The following FCHSD2 variants were observed in gnomAD, a reference collection of about 807,000 sequenced individuals.
FCHSD2 encodes the protein F-BAR and double SH3 domains protein 2.
A neutral mutation model predicts 108.1 loss-of-function variants in FCHSD2; 38 were observed. That is an observed-to-expected ratio of 0.35 (90% CI 0.27 to 0.46). The LOEUF (loss-of-function observed/expected upper bound fraction) is 0.46. FCHSD2 is among the 20% of genes least tolerant of loss of function. The pLI is 1.00. For synonymous variants in FCHSD2, 279 were observed against 314.7 expected, an observed-to-expected ratio of 0.89 and a Z score of 1.20; for missense variants, 751 against 897.8, an observed-to-expected ratio of 0.84 and a Z score of 2.09.
At chr11:73,023,192 T>C (rs184371163) in intron 3 of FCHSD2, among the ~76,000 whole-genome samples, 1 of 152,168 alleles carries the variant, frequency 6.6e-6, no homozygotes, top group East Asian at 1.9e-4. Context: ...AAATGATAAA[T>C]TGGACCTTAT....
At chr11:72,869,302 G>A (rs76941532) in intron 12 of FCHSD2, among the ~76,000 whole-genome samples, 2,063 of 151,898 alleles carry the variant, frequency 0.014, 46 homozygotes, top group African/African-American at 0.048. Flanking sequence ...CTTCCTAATC[G>A]ATTAATTACA....
intron 2 of FCHSD2, among the ~76,000 whole-genome samples, chr11:73,131,114 G>A (rs1268232985): frequency 1.3e-5 from 2 of 152,174 alleles, no homozygotes; most frequent in African/African-American, 4.8e-5. Flanking sequence ...GGGCATGGTG[G>A]TTCACGCCTG....
intron 17 of FCHSD2, among the ~76,000 whole-genome samples, chr11:72,841,911 A>G (rs1860966546): frequency 6.6e-6 from 1 of 152,244 alleles, no homozygotes; most frequent in Admixed American, 6.5e-5. Context: ...CAACAACAAC[A>G]AAAGGAACAA....
At chr11:72,993,873 G>A (rs558607596) in intron 5 of FCHSD2, among the ~76,000 whole-genome samples, 7 of 152,154 alleles carry the variant, frequency 4.6e-5, no homozygotes, top group African/African-American at 9.6e-5. Flanking sequence ...TAACCTGCAC[G>A]TTGTGCACAT....
At chr11:73,126,339 TAA>T (rs61586562) in intron 2 of FCHSD2, among the ~76,000 whole-genome samples, 12 of 27,654 alleles carry the variant, frequency 4.3e-4, no homozygotes, top group Admixed American at 1.4e-3. Flanking sequence ...GATTCCATCT[TAA>T]AAAAAAAAAA....
intron 4 of FCHSD2, among the ~76,000 whole-genome samples, chr11:73,003,970 T>C (rs1857682122): frequency 6.6e-6 from 1 of 150,990 alleles, no homozygotes; most frequent in African/African-American, 2.4e-5. Flanking sequence ...AGCCAGGCGT[T>C]GTGGCTGGCA....
At chr11:72,842,915 A>T in intron 16 of FCHSD2, 74 bp from the exon 17 acceptor site, 1 of 1,139,032 alleles carries the variant, frequency 8.8e-7, no homozygotes, top group Non-Finnish European at 1.3e-6. Context: ...CCCTATGCTC[A>T]CATGACAACT....
At chr11:73,098,892 G>T (rs1444086512) in intron 2 of FCHSD2, among the ~76,000 whole-genome samples, 1 of 152,082 alleles carries the variant, frequency 6.6e-6, no homozygotes, top group Non-Finnish European at 1.5e-5. Flanking sequence ...CACAAACAAC[G>T]AAGAAAAAAC....
intron 3 of FCHSD2, among the ~76,000 whole-genome samples, chr11:73,032,249 G>C (rs1169382209): frequency 6.6e-6 from 1 of 152,076 alleles, no homozygotes; most frequent in African/African-American, 2.4e-5. Flanking sequence ...TATTTTAAGA[G>C]ATGGGGTCTC....
At position 72,984,146 on chromosome 11, in the gene FCHSD2, G is replaced by A. The variant is rs377537934; in HGVS notation, c.647C>T (p.Ala216Val). The change falls in exon 8 of 20, where the codon GCG becomes GTG. Residue 216 changes from alanine to valine, a missense_variant. Physicochemically the swap from Ala to Val is moderately conservative, Grantham distance 64. Transcript: ENST00000409418. ...HARNDYLLTL[A>V]AANAHQDRYY... is the part of the protein sequence containing the mutation. ...GCGATCCTGATGTGCATTTGCTGCC[G>A]CTAGGGTAAGAAGATAATCATTCCT... 7.4e-6 allele frequency: 12 copies of A among 1,613,212 alleles called. No individual in the cohort carries two copies. Among genetic ancestry groups the A allele is most frequent in the Middle Eastern group, 1.7e-4 (1 of 6,060 alleles).
At chr11:72,936,533 G>T (rs545581545) in intron 8 of FCHSD2, among the ~76,000 whole-genome samples, 1 of 152,252 alleles carries the variant, frequency 6.6e-6, no homozygotes, top group Admixed American at 6.5e-5. Context: ...CCAGCACTTT[G>T]GAAGGCCAAG....
intron 3 of FCHSD2, among the ~76,000 whole-genome samples, chr11:73,018,563 AC>A (rs1463464691): frequency 6.7e-6 from 1 of 149,596 alleles, no homozygotes; most frequent in Non-Finnish European, 1.5e-5. Flanking sequence ...ATAGCAGATC[AC>A]CTAGAATTTA....
intron 8 of FCHSD2, among the ~76,000 whole-genome samples, chr11:72,938,593 C>T (rs1476956562): frequency 6.6e-6 from 1 of 152,158 alleles, no homozygotes; most frequent in Non-Finnish European, 1.5e-5. Flanking sequence ...CAGATCACAG[C>T]ATCTCACCAG....
chr11:73,005,549 A>C (rs896905975), intron 4 of FCHSD2, among the ~76,000 whole-genome samples: 2 of 152,116 alleles, frequency 1.3e-5, no homozygotes, highest in African/African-American at 4.8e-5. Flanking sequence ...CTGTCCCATA[A>C]ATACTGGAGT....
chr11:72,953,770 G>GAGTCACAT (rs1388478669), intron 8 of FCHSD2, among the ~76,000 whole-genome samples: 1 of 152,202 alleles, frequency 6.6e-6, no homozygotes, highest in African/African-American at 2.4e-5. Context: ...CTCACTGTTA[G>GAGTCACAT]AGTCACATTT....
At chr11:72,963,751 GATA>G (rs1213594453) in intron 8 of FCHSD2, among the ~76,000 whole-genome samples, 1 of 152,170 alleles carries the variant, frequency 6.6e-6, no homozygotes, top group Admixed American at 6.5e-5. Context: ...TTACACCTAT[GATA>G]ATCTAATTCT....
rs539372352 is a variant in FCHSD2 at position 72,940,960 on chromosome 11, G to A, written c.706-19010C>T. On this transcript the variant is annotated intron_variant, in intron 8 of 19. Transcript: ENST00000409418. ...TGACACCCAATGGATCACCAAAGCA[G>A]TCTATAAGCACAGGGAGATGTGTGG... The A allele has an allele frequency of 4.1e-5, 31 of 761,346 alleles. No individual in the cohort carries two copies. The African/African-American group carries it at 5.1e-4, about 12-fold the overall frequency. 47.2% of individuals were successfully genotyped at this position (761,346 alleles called of 1,614,324 possible). A position where few individuals can be genotyped will look rare whatever the true frequency, so the allele number is the denominator to read the frequency against.
intron 8 of FCHSD2, among the ~76,000 whole-genome samples, chr11:72,967,312 A>G (rs1856928675): frequency 6.6e-6 from 1 of 152,096 alleles, no homozygotes; most frequent in South Asian, 2.1e-4. Context: ...GAAATAGATG[A>G]GAATAGAGAT....
At chr11:72,987,691 C>T (rs1348999393) in intron 6 of FCHSD2, among the ~76,000 whole-genome samples, 2 of 152,178 alleles carry the variant, frequency 1.3e-5, no homozygotes, top group Non-Finnish European at 2.9e-5. Context: ...CTCAGAAACG[C>T]CCCTCCACTG....
Sources: allele counts gnomAD v4.1 joint callset (sites outside exome capture counted in the v4.1 genomes callset), GRCh38; gene constraint gnomAD v4.1.1; transcripts MANE v1.5; gene names NCBI Gene and HGNC (gene_info 2026-07-23, HGNC 2026-07-21).